Variants in ACAD10 observed in about 807,000 individuals in gnomAD.
ACAD10 encodes ACAD-10.
ACAD10 carries 112 observed loss-of-function variants against 116.8 expected under a neutral mutation model. The ratio of observed to expected loss-of-function variants is 0.96; its 90% CI spans 0.82 to 1.12. ACAD10 has a LOEUF of 1.12. ACAD10 is among the 50% of genes most tolerant of loss of function. The probability of loss-of-function intolerance (pLI) is 0.00; values close to 1 mark genes in which losing one functional copy is unlikely to be tolerated. For synonymous variants in ACAD10, 486 were observed against 510.6 expected (o/e 0.95, Z 0.65); for missense variants, 1,259 against 1,350.2 (o/e 0.93, Z 1.06).
At chr12:111,707,744 C>T (rs1437154832) in intron 4 of ACAD10, among the ~76,000 whole-genome samples, 1 of 152,182 alleles carries the variant, frequency 6.6e-6, no homozygotes, top group Non-Finnish European at 1.5e-5. Flanking sequence ...TGGCATATTA[C>T]CTTAGCCCTA....
chr12:111,717,435 G>T (rs1055431673), intron 7 of ACAD10, among the ~76,000 whole-genome samples: 1 of 151,748 alleles, frequency 6.6e-6, no homozygotes, highest in African/African-American at 2.4e-5. Flanking sequence ...TAGCCAGTCT[G>T]TGAGATTTCA....
At chr12:111,756,061 T>C (rs1440065860) in intron 20 of ACAD10, 3 of 1,200,308 alleles carry the variant, frequency 2.5e-6, no homozygotes, top group African/African-American at 1.5e-5. Flanking sequence ...CTCTTTCCCA[T>C]GCAGGGGGGC....
At chr12:111,692,112 G>A (rs1199770200) in intron 1 of ACAD10, among the ~76,000 whole-genome samples, 2 of 152,260 alleles carry the variant, frequency 1.3e-5, no homozygotes, top group East Asian at 3.9e-4. Context: ...GGGATTACAG[G>A]CATGCGCCAC....
chr12:111,698,050 A>G (rs1888240423), intron 2 of ACAD10, among the ~76,000 whole-genome samples: 1 of 143,518 alleles, frequency 7.0e-6, no homozygotes, highest in Non-Finnish European at 1.5e-5. Flanking sequence ...GCTAGAGTGC[A>G]GTGCTGTGAT....
chr12:111,699,953 G>T (rs980104415), intron 2 of ACAD10, among the ~76,000 whole-genome samples: 28 of 152,064 alleles, frequency 1.8e-4, no homozygotes, highest in African/African-American at 6.8e-4. Flanking sequence ...GATAGGCTTT[G>T]TGAGCCATAC....
At chr12:111,709,824 A>G in intron 5 of ACAD10, 140 bp downstream of exon 5, 1 of 1,004,032 alleles carries the variant, frequency 1.0e-6, no homozygotes, top group Non-Finnish European at 1.4e-6. Context: ...TTTTGTGTTA[A>G]TTATGAAATC....
rs1217482146 is a variant in ACAD10 at position 111,728,007 on chromosome 12, C to T, written c.1107C>T (p.Leu369=). Residue 369 remains leucine, a synonymous_variant, in exon 9 of 21, where the codon CTC becomes CTT. Transcript: ENST00000313698. ...PFYVMEYCPG[L]IYKDPSLPGL... Reference sequence around the variant, plus strand: ...ATGTGATGGAGTACTGCCCAGGTCTCATCTACAAAGACCCTTCCCTGCCAG... The same window carrying T: ...ATGTGATGGAGTACTGCCCAGGTCTTATCTACAAAGACCCTTCCCTGCCAG... The T allele has an allele frequency of 7.4e-6, 12 of 1,613,916 alleles. No individual in the cohort carries two copies. The highest frequency in any genetic ancestry group is 1.1e-5 in the South Asian group (1 of 91,072).
intron 4 of ACAD10, among the ~76,000 whole-genome samples, chr12:111,706,762 TTATATA>T (rs1207421681): frequency 3.0e-5 from 4 of 131,592 alleles, no homozygotes; most frequent in African/African-American, 1.1e-4. Flanking sequence ...ATTTATTTTT[TTATATA>T]TATATATATA....
Position 111,754,007 on chromosome 12 carries a change from A to C in ACAD10, c.2961+92A>C, listed in dbSNP as rs1164169108. Reference sequence around the variant, plus strand: ...GAGAGCCTGGCTTCTTGACATTAGAAACTTTATTTCACCTCTACTTGGAGC... The same window carrying C: ...GAGAGCCTGGCTTCTTGACATTAGACACTTTATTTCACCTCTACTTGGAGC... On this transcript the variant is annotated intron_variant, in intron 19 of 20. Coordinates refer to ENST00000313698, the MANE Select transcript of ACAD10 (RefSeq NM_025247.6). The C allele has an allele frequency of 1.9e-5, 28 of 1,458,676 alleles. 1 individual carries two copies. The highest frequency in any genetic ancestry group is 1.2e-4 in the South Asian group (8 of 69,494). 90.4% of individuals were successfully genotyped at this position (1,458,676 alleles called of 1,614,324 possible).
intron 20 of ACAD10, 26 bp downstream of exon 20, chr12:111,755,771 T>G (rs754956248): frequency 6.2e-7 from 1 of 1,608,330 alleles, no homozygotes; most frequent in Non-Finnish European, 8.5e-7. Flanking sequence ...ACAGTTGGCT[T>G]ATTTGAACCA....
intron 7 of ACAD10, among the ~76,000 whole-genome samples, chr12:111,719,517 G>A (rs970318079): frequency 6.6e-6 from 1 of 152,074 alleles, no homozygotes; most frequent in Non-Finnish European, 1.5e-5. Flanking sequence ...CTCCCGGAGT[G>A]CTGGGATTAC....
rs369307347 is a variant in ACAD10 at position 111,756,017 on chromosome 12, A to G, written c.3039+272A>G. ...TGCAAGTAGCTGACCTCAAATTCACATGAACTTGGGTTTTCATAAGCCCAG... is the reference window on the plus strand; with the variant it reads ...TGCAAGTAGCTGACCTCAAATTCACGTGAACTTGGGTTTTCATAAGCCCAG... On this transcript the variant is annotated intron_variant, in intron 20 of 20. Coordinates refer to ENST00000313698, the MANE Select transcript of ACAD10 (RefSeq NM_025247.6). 1.5e-5 allele frequency: 13 copies of G among 850,660 alleles called. No homozygotes were observed. The African/African-American group carries it at 1.5e-4, about 10-fold the overall frequency. The allele number at this position is 850,660 out of a possible 1,614,324, so 52.7% of individuals were successfully genotyped here. A position where few individuals can be genotyped will look rare whatever the true frequency, so the allele number is the denominator to read the frequency against.
intron 4 of ACAD10, 22 bp from the exon 5 acceptor site, chr12:111,709,504 C>G (rs1888607327): frequency 6.6e-7 from 1 of 1,525,432 alleles, no homozygotes; most frequent in African/African-American, 1.4e-5. Flanking sequence ...ACATTCATCT[C>G]TCATTCCTGT....
rs777545443 is a variant in ACAD10, at chr12:111,709,564, C to T, written c.570C>T (p.Asp190=). ...ESCMEGICKP[D]PRIYKLCLEQ... is the part of the protein sequence containing the mutation. ...GCATGGAAGGGATCTGTAAGCCAGA[C>T]CCTAGGATCTACAAGCTGTGCTTGG... Residue 190 remains aspartate, a synonymous_variant, in exon 5 of 21, where the codon GAC becomes GAT. Transcript: ENST00000313698. 2.5e-6 allele frequency: 4 copies of T among 1,612,322 alleles called. No individual in the cohort carries two copies. In the South Asian group the frequency reaches 3.3e-5, roughly 13 times the overall value.
chr12:111,708,719 A>G (rs924641831), intron 4 of ACAD10, among the ~76,000 whole-genome samples: 2 of 152,030 alleles, frequency 1.3e-5, no homozygotes, highest in Admixed American at 6.6e-5. Context: ...CTATGTGGCT[A>G]TAGGAGATTG....
chr12:111,756,022 C>A, intron 20 of ACAD10: 1 of 872,506 alleles, frequency 1.1e-6, no homozygotes, highest in Non-Finnish European at 1.7e-6. Flanking sequence ...TTCACATGAA[C>A]TTGGGTTTTC....
At chr12:111,749,046 C>A (rs1045617614) in intron 17 of ACAD10, 127 bp from the exon 18 acceptor site, 2 of 1,613,024 alleles carry the variant, frequency 1.2e-6, no homozygotes, top group African/African-American at 2.7e-5. Flanking sequence ...TTAACCATGT[C>A]CCAGTAAGAA....
At chr12:111,728,389 C>CT (rs1208373291) in intron 9 of ACAD10, among the ~76,000 whole-genome samples, 3 of 150,792 alleles carry the variant, frequency 2.0e-5, no homozygotes, top group Non-Finnish European at 3.0e-5. Context: ...TTCATTTTTT[C>CT]TTTTTTTCCC....
At chr12:111,713,410 A>G (rs905436795) in intron 6 of ACAD10, among the ~76,000 whole-genome samples, 8 of 151,868 alleles carry the variant, frequency 5.3e-5, no homozygotes, top group Non-Finnish European at 1.0e-4. Context: ...GGATAACTTG[A>G]GGCCAGGAGT....
Sources: gnomAD v4.1 joint callset for allele counts (sites outside exome capture counted in the v4.1 genomes callset) on GRCh38, gnomAD v4.1.1 for gene constraint, MANE v1.5 for transcripts, NCBI Gene and HGNC (gene_info 2026-07-23, HGNC 2026-07-21) for gene names.